The following ZNF764 variants were observed in gnomAD, a reference collection of about 807,000 sequenced individuals.
ZNF764 encodes the protein zinc finger protein 764.
ZNF764 carries 10 observed loss-of-function variants against 13.9 expected under a neutral mutation model. The observed-to-expected ratio is 0.72, with a 90% CI of 0.44 to 1.22. ZNF764 has a LOEUF of 1.22. Ranked by LOEUF, ZNF764 falls within the 50% of genes most tolerant of loss-of-function variation. ZNF764 has a pLI of 0.00. For synonymous variants in ZNF764, 313 were observed against 255.1 expected (o/e 1.23, Z -2.16); for missense variants, 647 against 589.7 (o/e 1.10, Z -1.01).
At chr16:30,556,184 G>C in intron 2 of ZNF764, 77 bp from the exon 3 acceptor site, 1 of 1,546,994 alleles carries the variant, frequency 6.5e-7, no homozygotes, top group South Asian at 1.1e-5. Flanking sequence ...CGTGGACAGG[G>C]ACAGGCCTGC....
In ZNF764 at chr16:30,555,536, G is replaced by A; in HGVS notation, c.882C>T (p.Ala294=). 2 of 1,532,228 alleles carry A rather than the reference G, an allele frequency of 1.3e-6. No individual in the cohort carries two copies. The highest frequency in any genetic ancestry group is 1.7e-6 in the Non-Finnish European group (2 of 1,145,292). 94.9% of individuals were successfully genotyped at this position (1,532,228 alleles called of 1,614,324 possible). ...TPFPCPDCGR[A]FAYPSDLRRH... The stretch of plus-strand genomic sequence containing the variant: ...GCCGCAGGTCCGAGGGGTAGGCGAA[G>A]GCGCGGCCACAGTCCGGGCAGGGGA... Residue 294 remains alanine, a synonymous_variant, in exon 3 of 3, where the codon GCC becomes GCT. Coordinates refer to ENST00000395091, the MANE Select transcript of ZNF764 (RefSeq NM_001172679.2).
In ZNF764 at chr16:30,555,461, G is replaced by A. The variant is rs763491773; in HGVS notation, c.957C>T (p.Cys319=). The A allele has an allele frequency of 4.3e-5, 67 of 1,544,264 alleles. No homozygotes were observed. Among genetic ancestry groups the A allele is most frequent in the Admixed American group, 5.7e-5 (3 of 52,180 alleles). ...TGEKPYPCPD[C]GRCFRQSSEM... is the part of the protein sequence containing the mutation. ...CCGAGCTCTGGCGGAAGCAGCGCCC[G>A]CAGTCCGGGCACGGGTAGGGCTTCT... The change falls in exon 3 of 3, where the codon TGC becomes TGT. Residue 319 remains cysteine, a synonymous_variant. Coordinates refer to ENST00000395091, the MANE Select transcript of ZNF764 (RefSeq NM_001172679.2).
Position 30,555,701 on chromosome 16 carries a change from G to T in ZNF764, c.717C>A (p.Phe239Leu). 4 of 1,580,160 alleles carry T rather than the reference G, an allele frequency of 2.5e-6. No individual in the cohort carries two copies. The highest frequency in any genetic ancestry group is 2.6e-6 in the Non-Finnish European group (3 of 1,165,808). The change falls in exon 3 of 3, where the codon TTC becomes TTA. Residue 239 changes from phenylalanine to leucine, a missense_variant. Transcript: ENST00000395091. ...GCGAAGTCAGCGCCGAGCGCTGCGT[G>T]AAGGCCCGGCCACACTCCAGACAGC... ...PHRCLECGRA[F>L]TQRSALTSHL...
At position 30,555,990 on chromosome 16, in the gene ZNF764, G is replaced by A. The variant is rs753854899; in HGVS notation, c.428C>T (p.Pro143Leu). 5.6e-6 allele frequency: 9 copies of A among 1,612,268 alleles called. No individual in the cohort carries two copies. Among genetic ancestry groups the A allele is most frequent in the South Asian group, 3.3e-5 (3 of 91,078 alleles). The change falls in exon 3 of 3, where the codon CCC (proline) becomes CTC (leucine). Residue 143 changes from proline (P) to leucine (L), a missense_variant. Pro to Leu is a moderately conservative substitution (Grantham distance 98). Coordinates refer to ENST00000395091, the MANE Select transcript of ZNF764 (RefSeq NM_001172679.2). ...LKSPQAPSAG[P>L]PYGWEQLSKA... ...GGACAGCTGCTCCCAACCATAAGGG[G>A]GCCCGGCCGAGGGGGCTTGGGGAGA... is the stretch of plus-strand genomic sequence containing the variant.
At position 30,555,018 on chromosome 16, in the gene ZNF764, T is replaced by C. The variant is rs1431400027; in HGVS notation, c.*176A>G. The C allele has an allele frequency of 2.7e-5, 20 of 732,810 alleles. No homozygotes were observed. The highest frequency in any genetic ancestry group is 4.1e-5 in the Non-Finnish European group (19 of 468,250). The allele number at this position is 732,810 out of a possible 1,614,324, so 45.4% of individuals were successfully genotyped here. On this transcript the variant is annotated 3_prime_UTR_variant, in exon 3 of 3. Transcript: ENST00000395091. ...GGGGGCCTTGGAGAGCCCTGGGCAG[T>C]GGGGAGCAAGGTGCTGGCAGAGGAG...
intron 2 of ZNF764, among the ~76,000 whole-genome samples, chr16:30,557,452 C>A (rs1329825041): frequency 6.6e-6 from 1 of 152,118 alleles, no homozygotes; most frequent in Non-Finnish European, 1.5e-5. Flanking sequence ...GACAACAAAG[C>A]GAGACCCTGT....
Position 30,555,383 on chromosome 16 carries a change from C to T in ZNF764, c.1035G>A (p.Pro345=), listed in dbSNP as rs745481653. 14 of 1,582,710 alleles carry T rather than the reference C, an allele frequency of 8.8e-6. No homozygotes were observed. In the Admixed American group the frequency reaches 1.1e-4, roughly 12 times the overall value. The change falls in exon 3 of 3, where the codon CCG becomes CCA. Residue 345 remains proline (P), a synonymous_variant. Coordinates refer to ENST00000395091, the MANE Select transcript of ZNF764 (RefSeq NM_001172679.2). Reference sequence around the variant, plus strand: ...TCTGGCCAAAGCGGCGGCCGCACTGCGGGCAGGGGTAGGGCTTCTCGCCGC... The same window carrying T: ...TCTGGCCAAAGCGGCGGCCGCACTGTGGGCAGGGGTAGGGCTTCTCGCCGC... The part of the protein sequence containing the change: ...THSGEKPYPC[P]QCGRRFGQKS...
At position 30,555,756 on chromosome 16, in the gene ZNF764, C is replaced by G. The variant is rs773782971; in HGVS notation, c.662G>C (p.Arg221Pro). The G allele has an allele frequency of 6.8e-6, 11 of 1,607,342 alleles. No homozygotes were observed. In the South Asian group the frequency reaches 8.8e-5, roughly 13 times the overall value. Residue 221 changes from arginine (R) to proline (P), a missense_variant, in exon 3 of 3, where the codon CGG becomes CCG. Transcript: ENST00000395091. ...FGHASSLSKH[R>P]AIHRGERPHR... ...GGGCCGCTCCCCACGATGGATGGCCCGGTGTTTGCTCAGGGAGGAAGCGTG... is the reference window on the plus strand; with the variant it reads ...GGGCCGCTCCCCACGATGGATGGCCGGGTGTTTGCTCAGGGAGGAAGCGTG...
intron 2 of ZNF764, 86 bp from the exon 3 acceptor site, chr16:30,556,193 G>T: frequency 6.6e-7 from 1 of 1,504,702 alleles, no homozygotes; most frequent in Non-Finnish European, 9.1e-7. Context: ...GGACAGGCCT[G>T]CTGGATCCCC....
intron 2 of ZNF764, 97 bp downstream of exon 2, chr16:30,557,636 G>A (rs1166976713): frequency 4.0e-6 from 6 of 1,509,166 alleles, no homozygotes; most frequent in East Asian, 2.4e-5. Flanking sequence ...GCAGTTCAGA[G>A]AGGAAACTGC....
chr16:30,557,661 G>A (rs2051567849), intron 2 of ZNF764, 72 bp downstream of exon 2: 10 of 1,578,296 alleles, frequency 6.3e-6, no homozygotes, highest in Non-Finnish European at 7.8e-6. Flanking sequence ...CAGGTAGCTG[G>A]AGGTGGCAGA....
chr16:30,555,106 G>A lies in ZNF764; in HGVS notation c.*88C>T. ...GGGCCAGCTCTTGCCCTAGATTCTG[G>A]GACCTCCCTGCAGGCCGCCGCAGAG... On this transcript the variant is annotated 3_prime_UTR_variant, in exon 3 of 3. Transcript: ENST00000395091. 6.8e-7 allele frequency: 1 copy of A among 1,463,216 alleles called. No individual in the cohort carries two copies. Among genetic ancestry groups the A allele is most frequent in the Non-Finnish European group, 9.2e-7 (1 of 1,090,184 alleles). 90.6% of individuals were successfully genotyped at this position (1,463,216 alleles called of 1,614,324 possible).
rs770063513 is a variant in ZNF764, at chr16:30,555,515, C to T, written c.903G>A (p.Leu301=). The change falls in exon 3 of 3, where the codon CTG becomes CTA. Residue 301 remains leucine, a synonymous_variant. Transcript: ENST00000395091. The part of the protein sequence containing the change: ...CGRAFAYPSD[L]RRHVRTHTGE... ...CGGTGTGGGTGCGCACGTGGCGCCG[C>T]AGGTCCGAGGGGTAGGCGAAGGCGC... 6 of 1,537,256 alleles carry T rather than the reference C, an allele frequency of 3.9e-6. No individual in the cohort carries two copies. In the South Asian group the frequency reaches 7.6e-5, roughly 19 times the overall value.
Position 30,555,260 on chromosome 16 carries a change from G to T in ZNF764, c.1158C>A (p.Gly386=), listed in dbSNP as rs1239368136. 1 of 1,612,510 alleles carries T rather than the reference G, an allele frequency of 6.2e-7. No homozygotes were observed. The highest frequency in any genetic ancestry group is 8.5e-7 in the Non-Finnish European group (1 of 1,179,430). ...CCACGGGCGGGTCCAGGTCTCCGTG[G>T]CCAGGGGTCAGGGTCACAGACAGAC... is the stretch of plus-strand genomic sequence containing the variant. ...AGRLSVTLTP[G]HGDLDPPVGF... Residue 386 remains glycine (G), a synonymous_variant, in exon 3 of 3, where the codon GGC becomes GGA. Coordinates refer to ENST00000395091, the MANE Select transcript of ZNF764 (RefSeq NM_001172679.2).
chr16:30,556,583 A>G (rs1445865764), intron 2 of ZNF764, among the ~76,000 whole-genome samples: 1 of 151,834 alleles, frequency 6.6e-6, no homozygotes, highest in Admixed American at 6.6e-5. Context: ...AGTTTAAGAG[A>G]CTGGGCGTGG....
At position 30,557,999 on chromosome 16, in the gene ZNF764, G is replaced by A. The variant is rs1440519870; in HGVS notation, c.184C>T (p.Leu62=). ...RDVMRETYGH[L]SALGIGGNKP... is the part of the protein sequence containing the mutation. ...GTGGGGCTCTCACCGAGAGCGCTCAGGTGGCCGTAGGTCTCCCGCATCACG... is the reference window on the plus strand; with the variant it reads ...GTGGGGCTCTCACCGAGAGCGCTCAAGTGGCCGTAGGTCTCCCGCATCACG... Residue 62 remains leucine (L), a synonymous_variant, in exon 1 of 3, where the codon CTG becomes TTG. Coordinates refer to ENST00000395091, the MANE Select transcript of ZNF764 (RefSeq NM_001172679.2). 1.0e-5 allele frequency: 16 copies of A among 1,604,638 alleles called. No individual in the cohort carries two copies. In the African/African-American group the frequency reaches 1.1e-4, roughly 11 times the overall value.
rs1003199830 is a variant in ZNF764 at position 30,553,841 on chromosome 16, T to C, written c.*1353A>G. On this transcript the variant is annotated 3_prime_UTR_variant, in exon 3 of 3. Coordinates refer to ENST00000395091, the MANE Select transcript of ZNF764 (RefSeq NM_001172679.2). ...AGAAAACCTGAGTGCTACAGACCACTGTTTGCAAACTCAAATGACCATAGG... is the reference window on the plus strand; with the variant it reads ...AGAAAACCTGAGTGCTACAGACCACCGTTTGCAAACTCAAATGACCATAGG... 1 of 152,262 alleles carries C rather than the reference T, an allele frequency of 6.6e-6. No homozygotes were observed. 9.4% of individuals were successfully genotyped at this position (152,262 alleles called of 1,614,324 possible).
rs146078234 is a variant in ZNF764 at position 30,556,535 on chromosome 16, G to A, written c.311-428C>T. Among the ~76,000 whole-genome samples, 131 of 152,118 alleles carry A rather than the reference G, an allele frequency of 8.6e-4. 1 individual carries two copies. Among genetic ancestry groups the A allele is most frequent in the Middle Eastern group, 3.4e-3 (1 of 294 alleles). On this transcript the variant is annotated intron_variant, in intron 2 of 2. Transcript: ENST00000395091. ...GAAAGGAACCAGCCTGCAGGTGAAC[G>A]GCAGGGGTGGGTCCTGAGGTGGAGG...
At position 30,555,144 on chromosome 16, in the gene ZNF764, G is replaced by A. The variant is rs1342499874; in HGVS notation, c.*50C>T. On this transcript the variant is annotated 3_prime_UTR_variant, in exon 3 of 3. Coordinates refer to ENST00000395091, the MANE Select transcript of ZNF764 (RefSeq NM_001172679.2). ...GGCCGCCGCAGAGGTTCGGGCCCCT[G>A]AGCCCATCTCGGGCCTCCCGTAATG... 2 of 1,545,050 alleles carry A rather than the reference G, an allele frequency of 1.3e-6. No individual in the cohort carries two copies. Among genetic ancestry groups the A allele is most frequent in the Non-Finnish European group, 1.7e-6 (2 of 1,147,312 alleles).
Sources: allele counts gnomAD v4.1 joint callset (sites outside exome capture counted in the v4.1 genomes callset), GRCh38; gene constraint gnomAD v4.1.1; transcripts MANE v1.5; gene names NCBI Gene and HGNC (gene_info 2026-07-23, HGNC 2026-07-21).